Variants in SH3D19 observed in about 807,000 individuals in gnomAD.
SH3D19 encodes the protein SH3 domain containing 19.
In SH3D19, 58 loss-of-function variants were observed where a neutral mutation model predicts 112.1. The ratio of observed to expected loss-of-function variants is 0.52; its 90% confidence interval spans 0.42 to 0.64. The LOEUF (loss-of-function observed/expected upper bound fraction) is 0.64. Ranked by LOEUF, SH3D19 falls within the 30% of genes least tolerant of loss-of-function variation. The pLI, the probability that SH3D19 is intolerant of heterozygous loss-of-function variation, is 0.00. For missense variants in SH3D19, 1,090 were observed against 1,263.4 expected, an observed-to-expected ratio of 0.86 and a Z score of 2.08; for synonymous variants, 391 against 448.5, an observed-to-expected ratio of 0.87 and a Z score of 1.62.
At chr4:151,238,595 C>A (rs748701537) in intron 1 of SH3D19, among the ~76,000 whole-genome samples, 31 of 152,010 alleles carry the variant, frequency 2.0e-4, no homozygotes, top group Non-Finnish European at 4.3e-4. Flanking sequence ...GACTCCTTCA[C>A]GGGCTCCAAA....
At chr4:151,302,224 C>T (rs1031987844) in intron 1 of SH3D19, among the ~76,000 whole-genome samples, 8 of 152,172 alleles carry the variant, frequency 5.3e-5, no homozygotes, top group Non-Finnish European at 1.0e-4. Context: ...ATTGCTCCTT[C>T]GGCCAGGATC....
chr4:151,236,416 C>A (rs554511873), intron 1 of SH3D19, among the ~76,000 whole-genome samples: 5 of 152,252 alleles, frequency 3.3e-5, no homozygotes, highest in Non-Finnish European at 7.3e-5. Context: ...AAAGTCCCAC[C>A]GCGAGGGCCA....
intron 1 of SH3D19, among the ~76,000 whole-genome samples, chr4:151,252,779 C>T (rs1771515205): frequency 6.6e-6 from 1 of 152,236 alleles, no homozygotes; most frequent in Non-Finnish European, 1.5e-5. Context: ...AAACCTTCTC[C>T]TCCTACACTG....
intron 10 of SH3D19, 69 bp from the exon 11 acceptor site, chr4:151,148,255 A>ACACACAC (rs1491525850): frequency 1.9e-5 from 1 of 51,732 alleles, no homozygotes; most frequent in Non-Finnish European, 3.1e-5. Context: ...GTCCTGTCTT[A>ACACACAC]CACACACACA....
intron 2 of SH3D19, among the ~76,000 whole-genome samples, chr4:151,203,042 G>GA (rs1194636778): frequency 2.0e-5 from 3 of 152,128 alleles, no homozygotes; most frequent in African/African-American, 7.2e-5. Context: ...GACAAACGAG[G>GA]AAAGAGAAAT....
chr4:151,262,588 G>A (rs147322763), intron 1 of SH3D19: 18 of 152,346 alleles, frequency 1.2e-4, no homozygotes, highest in African/African-American at 3.9e-4. Flanking sequence ...AGGAGTGTCT[G>A]GACAGGCCTA....
At chr4:151,154,128 A>AT (rs547926242) in intron 9 of SH3D19, among the ~76,000 whole-genome samples, 1,398 of 108,724 alleles carry the variant, frequency 0.013, 12 homozygotes, top group African/African-American at 0.017. Context: ...CACCCGGCTG[A>AT]TTTTTTTTTT....
At chr4:151,291,181 A>G (rs1463896183) in intron 1 of SH3D19, 1 of 1,613,822 alleles carries the variant, frequency 6.2e-7, no homozygotes, top group Admixed American at 1.7e-5. Flanking sequence ...AGGAGTAGTA[A>G]GCTGGGGATT....
intron 11 of SH3D19, chr4:151,144,268 A>T: frequency 1.2e-6 from 2 of 1,614,098 alleles, no homozygotes; most frequent in Non-Finnish European, 1.7e-6. Context: ...CTTCATTGGC[A>T]ATTCCATGAG....
chr4:151,159,648 T>A (rs1756794972), intron 8 of SH3D19, among the ~76,000 whole-genome samples: 1 of 152,234 alleles, frequency 6.6e-6, no homozygotes, highest in African/African-American at 2.4e-5. Flanking sequence ...TATATTTACA[T>A]ACATTTCTCC....
At chr4:151,280,398 A>G (rs1774100752) in intron 1 of SH3D19, among the ~76,000 whole-genome samples, 2 of 152,130 alleles carry the variant, frequency 1.3e-5, no homozygotes. Context: ...CCCCAGTAAG[A>G]TGACTGCAGC....
At chr4:151,142,846 C>A (rs1753244591) in intron 12 of SH3D19, among the ~76,000 whole-genome samples, 1 of 152,076 alleles carries the variant, frequency 6.6e-6, no homozygotes, top group Non-Finnish European at 1.5e-5. Flanking sequence ...ATTTCATTAT[C>A]ACCAATAGCT....
In SH3D19 at chr4:151,176,850, G is replaced by A. The variant is rs900079721; in HGVS notation, c.342C>T (p.Gly114=). ...GAACCAGCTCATTAGGCCTCCAAGA[G>A]CCTGCTGCAGATGATGTAGGAAATC... The part of the protein sequence containing the change: ...GLGFPTSSAA[G]SWRPNELVPA... Residue 114 remains glycine, a synonymous_variant, in exon 5 of 20, where the codon GGC becomes GGT. Coordinates refer to ENST00000604030, the MANE Select transcript of SH3D19 (RefSeq NM_001378122.1). The A allele has an allele frequency of 4.1e-6, 5 of 1,232,158 alleles. No homozygotes were observed. The highest frequency in any genetic ancestry group is 4.0e-6 in the Non-Finnish European group (4 of 987,972). 76.3% of individuals were successfully genotyped at this position (1,232,158 alleles called of 1,614,324 possible). A position where few individuals can be genotyped will look rare whatever the true frequency, so the allele number is the denominator to read the frequency against.
intron 1 of SH3D19, among the ~76,000 whole-genome samples, chr4:151,299,141 T>C (rs910348726): frequency 2.0e-5 from 3 of 152,244 alleles, no homozygotes; most frequent in Non-Finnish European, 1.5e-5. Flanking sequence ...TTGCAACTAC[T>C]GCAAAGCTTC....
At position 151,230,597 on chromosome 4, in the gene SH3D19, C is replaced by CTT. The variant is rs201617546; in HGVS notation, c.113-4513_113-4512dup. Among the ~76,000 whole-genome samples the CTT allele has an allele frequency of 6.0e-3, 821 of 136,964 alleles. 7 individuals are homozygous for CTT. Among genetic ancestry groups the CTT allele is most frequent in the African/African-American group, 0.02 (747 of 37,392 alleles). The allele number at this position is 136,964 out of a possible 152,430, so 89.9% of individuals were successfully genotyped here. A position where few individuals can be genotyped will look rare whatever the true frequency, so the allele number is the denominator to read the frequency against. On this transcript the variant is annotated intron_variant, in intron 1 of 19. Transcript: ENST00000604030. ...GAGTAAGAAGTGGTTTAAAGTGAGT[C>CTT]TTTTTTTTTTTTTTTTTAATTGAGA...
rs116134368 is a variant in SH3D19, at chr4:151,301,518, C to T, written c.112+23723G>A. 7.9e-3 allele frequency among the ~76,000 whole-genome samples: 1,199 copies of T among 152,258 alleles called. 16 individuals carry two copies. Among genetic ancestry groups the T allele is most frequent in the African/African-American group, 0.027 (1,142 of 41,538 alleles). On this transcript the variant is annotated intron_variant, in intron 1 of 19. Coordinates refer to ENST00000604030, the MANE Select transcript of SH3D19 (RefSeq NM_001378122.1). ...CTGGGATTACAAGCGTGAGCCACCG[C>T]GCCTGGCCAGAGATCTGCTTGTTTT... is the stretch of plus-strand genomic sequence containing the variant.
chr4:151,316,442 C>T (rs1006686789), intron 1 of SH3D19, among the ~76,000 whole-genome samples: 1 of 152,076 alleles, frequency 6.6e-6, no homozygotes, highest in African/African-American at 2.4e-5. Flanking sequence ...AATCATACAT[C>T]AATATTAGTT....
chr4:151,246,041 C>T (rs929620708), intron 1 of SH3D19, among the ~76,000 whole-genome samples: 6 of 75,612 alleles, frequency 7.9e-5, no homozygotes, highest in East Asian at 3.4e-4. Flanking sequence ...TGAAGACATA[C>T]AAAAAAAAAA....
At chr4:151,303,365 G>A (rs988888665) in intron 1 of SH3D19, among the ~76,000 whole-genome samples, 3 of 152,094 alleles carry the variant, frequency 2.0e-5, no homozygotes, top group African/African-American at 7.2e-5. Context: ...TTATTAACAG[G>A]ATGGCATTTG....
Sources: allele counts gnomAD v4.1 joint callset (sites outside exome capture counted in the v4.1 genomes callset), GRCh38; gene constraint gnomAD v4.1.1; transcripts MANE v1.5; gene names NCBI Gene and HGNC (gene_info 2026-07-23, HGNC 2026-07-21).